MED14: variants seen among roughly 807,000 people sequenced by gnomAD.
The protein encoded by MED14 is mediator complex subunit 14, also known as mediator of RNA polymerase II transcription subunit 14.
Under a neutral mutation model 109.0 loss-of-function variants are expected in MED14, and 8 were observed. That is an observed-to-expected ratio of 0.07 (90% CI 0.04 to 0.13). The LOEUF is 0.13. Among genes scored for constraint, MED14 ranks in the 10% least tolerant of loss-of-function variants. The pLI is 1.00. For missense variants in MED14, 711 were observed against 1,142.4 expected (o/e 0.62, Z 5.44); for synonymous variants, 399 against 408.7 (o/e 0.98, Z 0.29).
At chrX:40,691,607 CTTTT>C (rs36144185) in intron 15 of MED14, among the ~76,000 whole-genome samples, 2 of 59,455 alleles carry the variant, frequency 3.4e-5, no homozygotes, top group Non-Finnish European at 6.0e-5. Context: ...TTCTTTTAAT[CTTTT>C]TTTTTTTTTT....
intron 4 of MED14, among the ~76,000 whole-genome samples, chrX:40,714,185 G>C (rs1034115357): frequency 9.0e-6 from 1 of 111,514 alleles, no homozygotes; most frequent in African/African-American, 3.3e-5. Context: ...GTTCTTACAA[G>C]TATAAAATAC....
At chrX:40,690,781 G>C (rs1488645071) in intron 15 of MED14, among the ~76,000 whole-genome samples, 4 of 112,004 alleles carry the variant, frequency 3.6e-5, no homozygotes, top group Non-Finnish European at 7.5e-5. Flanking sequence ...TTAAATATCA[G>C]CTCTGGCTGG....
intron 24 of MED14, among the ~76,000 whole-genome samples, chrX:40,666,292 G>C (rs1366328490): frequency 9.0e-6 from 1 of 110,737 alleles, no homozygotes; most frequent in Non-Finnish European, 1.9e-5. Context: ...TTTTTATCTA[G>C]TTGAATCAAT....
At chrX:40,733,050 A>G (rs1366867210) in intron 1 of MED14, among the ~76,000 whole-genome samples, 2 of 111,102 alleles carry the variant, frequency 1.8e-5, no homozygotes, top group Non-Finnish European at 3.8e-5. Context: ...CATTATGCTC[A>G]AAAGTGTCCC....
chrX:40,674,992 A>G (rs776786958), intron 22 of MED14, among the ~76,000 whole-genome samples: 2 of 112,718 alleles, frequency 1.8e-5, no homozygotes, highest in African/African-American at 3.2e-5. Flanking sequence ...ATCATATAAC[A>G]TCATTTTAAG....
chrX:40,726,645 T>C (rs1360539381), intron 3 of MED14, 101 bp downstream of exon 3: 4 of 593,945 alleles, frequency 6.7e-6, no homozygotes, highest in Admixed American at 7.6e-5. Context: ...CACATGTCAC[T>C]CAAATCAGCA....
At chrX:40,703,687 A>C in intron 10 of MED14, 118 bp from the exon 11 acceptor site, 1 of 614,375 alleles carries the variant, frequency 1.6e-6, no homozygotes, top group Non-Finnish European at 2.3e-6. Flanking sequence ...TTAGAGGAAA[A>C]ACATGATTTT....
intron 28 of MED14, among the ~76,000 whole-genome samples, chrX:40,657,408 AACACCATGT>A (rs1929091666): frequency 9.0e-6 from 1 of 111,152 alleles, no homozygotes; most frequent in South Asian, 3.8e-4. Context: ...ACACAGAGAG[AACACCATGT>A]GACGACAGAG....
intron 16 of MED14, among the ~76,000 whole-genome samples, chrX:40,686,313 C>G (rs767498926): frequency 3.6e-5 from 4 of 110,488 alleles, no homozygotes; most frequent in African/African-American, 9.9e-5. Context: ...ATGCCGAGAA[C>G]AAGATATTTT....
At chrX:40,726,530 C>T (rs766625454) in intron 3 of MED14, 55 of 321,628 alleles carry the variant, frequency 1.7e-4, no homozygotes, top group Admixed American at 1.7e-4. Flanking sequence ...AGTCTCCTCA[C>T]GTAATGATGT....
chrX:40,714,758 C>A, intron 3 of MED14, 48 bp from the exon 4 acceptor site: 1 of 1,037,923 alleles, frequency 9.6e-7, no homozygotes, highest in Non-Finnish European at 1.3e-6. Context: ...AAACTATCTC[C>A]TTTTCACACT....
chrX:40,708,126 G>T (rs2146704492), intron 10 of MED14, among the ~76,000 whole-genome samples: 1 of 109,848 alleles, frequency 9.1e-6, no homozygotes, highest in Admixed American at 9.7e-5. Context: ...ACCCTGATAG[G>T]GCTAATGGAC....
At chrX:40,696,142 T>G (rs1930715021) in intron 13 of MED14, among the ~76,000 whole-genome samples, 2 of 105,141 alleles carry the variant, frequency 1.9e-5, no homozygotes, top group South Asian at 8.8e-4. Context: ...GATTTTTTTT[T>G]TTTTTTTTTT....
At chrX:40,700,046 G>C (rs4827224) in intron 12 of MED14, among the ~76,000 whole-genome samples, 24,859 of 110,101 alleles carry the variant, frequency 0.23, 2,212 homozygotes, top group African/African-American at 0.33. Context: ...CCATTCGGAA[G>C]ACTGAGGCAG....
Position 40,651,666 on chromosome X carries a change from C to T in MED14, c.*140G>A. On this transcript the variant is annotated 3_prime_UTR_variant, in exon 31 of 31. Transcript: ENST00000324817. ...ATCATTTTGATGAAAGAAGTGCACC[C>T]TGAAAATTTTTGCCAGTTTAGAATA... The T allele has an allele frequency of 9.5e-7, 1 of 1,050,734 alleles. No individual in the cohort carries two copies. Among genetic ancestry groups the T allele is most frequent in the Non-Finnish European group, 1.2e-6 (1 of 818,403 alleles). The allele number at this position is 1,050,734 out of a possible 1,213,427, so 86.6% of individuals were successfully genotyped here.
At chrX:40,688,827 A>G (rs894285445) in intron 15 of MED14, among the ~76,000 whole-genome samples, 4 of 112,000 alleles carry the variant, frequency 3.6e-5, no homozygotes, top group Non-Finnish European at 5.6e-5. Context: ...AGTAATCTAG[A>G]ATCAATTTTA....
chrX:40,657,051 C>A (rs1929076948), intron 28 of MED14, among the ~76,000 whole-genome samples: 1 of 110,980 alleles, frequency 9.0e-6, no homozygotes. Flanking sequence ...CCACACCTGG[C>A]TAATTCTTTG....
At chrX:40,704,857 T>C (rs1931079010) in intron 10 of MED14, among the ~76,000 whole-genome samples, 1 of 111,676 alleles carries the variant, frequency 9.0e-6, no homozygotes, top group African/African-American at 3.3e-5. Flanking sequence ...GCTGACATGA[T>C]GCTCAAAGGA....
chrX:40,693,636 T>C (rs779720487), intron 13 of MED14, among the ~76,000 whole-genome samples: 105 of 111,603 alleles, frequency 9.4e-4, no homozygotes, highest in African/African-American at 3.3e-3. Context: ...TAGAATGGTA[T>C]CTATTTTAAA....
Sources: allele counts gnomAD v4.1 joint callset (sites outside exome capture counted in the v4.1 genomes callset), GRCh38; gene constraint gnomAD v4.1.1; transcripts MANE v1.5; gene names NCBI Gene and HGNC (gene_info 2026-07-23, HGNC 2026-07-21).